KIAA0513: variants seen among roughly 807,000 people sequenced by gnomAD.
KIAA0513 encodes the protein uncharacterized protein KIAA0513.
KIAA0513 carries 39 observed loss-of-function variants against 56.5 expected under a neutral mutation model. The observed-to-expected ratio is 0.69, with a 90% CI of 0.53 to 0.90. The LOEUF is 0.90. KIAA0513 is among the 40% of genes least tolerant of loss of function. The pLI is 0.00. For synonymous variants in KIAA0513, 268 were observed against 215.6 expected (o/e 1.24, Z -2.13); for missense variants, 591 against 535.2 (o/e 1.10, Z -1.03).
At chr16:85,075,947 C>T in intron 5 of KIAA0513, 33 bp downstream of exon 5, 2 of 1,513,926 alleles carry the variant, frequency 1.3e-6, no homozygotes, top group Non-Finnish European at 1.8e-6. Flanking sequence ...TGGGGCTCAC[C>T]TGAGGCTAGT....
intron 7 of KIAA0513, among the ~76,000 whole-genome samples, chr16:85,078,684 A>G (rs1218383647): frequency 3.3e-5 from 5 of 152,348 alleles, no homozygotes; most frequent in Admixed American, 3.3e-4. Flanking sequence ...CAGGAAGGCT[A>G]AGGGTTACTG....
intron 4 of KIAA0513, among the ~76,000 whole-genome samples, chr16:85,073,951 T>TTTTTTGTTTTGTTTTGTTTTTG (rs2073617636): frequency 6.6e-6 from 1 of 151,880 alleles, no homozygotes; most frequent in African/African-American, 2.4e-5. Context: ...TTGTGTCGTT[T>TTTTTTGTTTTGTTTTGTTTTTG]TTTTTGTTTT....
intron 1 of KIAA0513, among the ~76,000 whole-genome samples, chr16:85,042,796 G>A (rs560557495): frequency 1.9e-4 from 29 of 152,352 alleles, no homozygotes; most frequent in African/African-American, 6.7e-4. Flanking sequence ...GCAGGCAGCA[G>A]TCGGCTTGGC....
intron 2 of KIAA0513, among the ~76,000 whole-genome samples, chr16:85,070,889 A>G (rs1016061967): frequency 1.3e-5 from 2 of 152,216 alleles, no homozygotes; most frequent in Non-Finnish European, 2.9e-5. Flanking sequence ...CATCAGCAAT[A>G]CGGAATGTGG....
At chr16:85,036,967 A>T (rs2073044330) in intron 1 of KIAA0513, among the ~76,000 whole-genome samples, 1 of 152,040 alleles carries the variant, frequency 6.6e-6, no homozygotes, top group Admixed American at 6.6e-5. Flanking sequence ...TATTCCAGAA[A>T]CTTTCTCCTG....
At chr16:85,047,326 T>A (rs2073185379) in intron 1 of KIAA0513, among the ~76,000 whole-genome samples, 1 of 152,200 alleles carries the variant, frequency 6.6e-6, no homozygotes, top group Non-Finnish European at 1.5e-5. Context: ...AACAACTTGA[T>A]GGGGTTGTTT....
At chr16:85,065,324 C>T (rs1369501676) in intron 1 of KIAA0513, among the ~76,000 whole-genome samples, 1 of 152,186 alleles carries the variant, frequency 6.6e-6, no homozygotes, top group Non-Finnish European at 1.5e-5. Flanking sequence ...CCCGACCGGC[C>T]ACTCCTTGCT....
intron 1 of KIAA0513, among the ~76,000 whole-genome samples, chr16:85,037,412 G>A (rs1371889840): frequency 6.6e-6 from 1 of 152,174 alleles, no homozygotes; most frequent in East Asian, 1.9e-4. Flanking sequence ...GACCCTGAAA[G>A]GAGGGGTGGA....
Position 85,071,899 on chromosome 16 carries a change from G to A in KIAA0513, c.429+17G>A. 6.7e-7 allele frequency: 1 copy of A among 1,488,960 alleles called. No individual in the cohort carries two copies. Among genetic ancestry groups the A allele is most frequent in the Non-Finnish European group, 9.4e-7 (1 of 1,069,336 alleles). The allele number at this position is 1,488,960 out of a possible 1,614,324, so 92.2% of individuals were successfully genotyped here. On this transcript the variant is annotated intron_variant, in intron 3 of 12. Coordinates refer to ENST00000683363, the MANE Select transcript of KIAA0513 (RefSeq NM_001388359.1). ...AGTGCCCAGGTAAGGGCGAGGTGAT[G>A]GGAAGGATGGGCGTTTACTCTCAAG...
Position 85,087,352 on chromosome 16 carries a change from T to C in KIAA0513, c.1186+186T>C, listed in dbSNP as rs117944129. The stretch of plus-strand genomic sequence containing the variant: ...TGTATAGACAGACGCACAGGACACC[T>C]CTCGTTCCATTTGGAATCCATTTCT... On this transcript the variant is annotated intron_variant, in intron 12 of 12. Coordinates refer to ENST00000683363, the MANE Select transcript of KIAA0513 (RefSeq NM_001388359.1). 1.4e-4 allele frequency among the ~76,000 whole-genome samples: 22 copies of C among 152,202 alleles called. No homozygotes were observed. In the East Asian group the frequency reaches 4.3e-3, roughly 29 times the overall value.
intron 1 of KIAA0513, among the ~76,000 whole-genome samples, chr16:85,055,550 A>T (rs2073316422): frequency 6.6e-6 from 1 of 152,194 alleles, no homozygotes; most frequent in African/African-American, 2.4e-5. Flanking sequence ...TGTAACAAAC[A>T]CACACAAACA....
chr16:85,068,499 G>GT (rs552813555), intron 2 of KIAA0513, among the ~76,000 whole-genome samples: 112 of 151,924 alleles, frequency 7.4e-4, no homozygotes, highest in Middle Eastern at 3.4e-3. Flanking sequence ...CACCCGGCTA[G>GT]TTTTTTGTAT....
chr16:85,067,013 T>TGGGCTCCCCTCTAGGC lies in KIAA0513; in HGVS notation c.-58_-43dup, dbSNP rs2073492007. On this transcript the variant is annotated 5_prime_UTR_variant, in exon 2 of 13. Transcript: ENST00000683363. ...TAACGCACCTGGGACACCAGGCTGCTGGGCTCCCCTCTAGGCAGCCTCCCC... is the reference window on the plus strand; with the variant it reads ...TAACGCACCTGGGACACCAGGCTGCTGGGCTCCCCTCTAGGCGGGCTCCCCTCTAGGCAGCCTCCCC... 2 of 1,445,588 alleles carry TGGGCTCCCCTCTAGGC rather than the reference T, an allele frequency of 1.4e-6. No homozygotes were observed. The highest frequency in any genetic ancestry group is 2.3e-5 in the Admixed American group (1 of 43,464). The allele number at this position is 1,445,588 out of a possible 1,614,324, so 89.5% of individuals were successfully genotyped here.
At chr16:85,071,065 C>T (rs1190852647) in intron 2 of KIAA0513, among the ~76,000 whole-genome samples, 3 of 152,238 alleles carry the variant, frequency 2.0e-5, no homozygotes, top group South Asian at 4.1e-4. Context: ...CAGCCTTCTG[C>T]TCCATTTTTG....
chr16:85,058,185 GC>G (rs2073356016), intron 1 of KIAA0513, among the ~76,000 whole-genome samples: 1 of 152,220 alleles, frequency 6.6e-6, no homozygotes, highest in African/African-American at 2.4e-5. Context: ...CTTGTCAAAA[GC>G]CCTACTGAGG....
chr16:85,081,914 C>T lies in KIAA0513; in HGVS notation c.980+522C>T, dbSNP rs1035512847. 6.6e-6 allele frequency among the ~76,000 whole-genome samples: 1 copy of T among 152,366 alleles called. No homozygotes were observed. The highest frequency in any genetic ancestry group is 2.4e-5 in the African/African-American group (1 of 41,590). On this transcript the variant is annotated intron_variant, in intron 9 of 12. Transcript: ENST00000683363. The surrounding 1 kb of genome is among the most constrained non-coding windows in gnomAD (Gnocchi z 4.4). ...AGAGGGGAGGGGCTGGCACCCACCC[C>T]ACGGGGGCCGATGCCATAGCAAGCA...
In KIAA0513 at chr16:85,092,358, C is replaced by T. The variant is rs1482288533; in HGVS notation, c.*4033C>T. ...CAGCCAGGGAGCCCAGTAGTGTTTC[C>T]AAGAACAGTGTGGAGCTTGAGAAAG... On this transcript the variant is annotated 3_prime_UTR_variant, in exon 13 of 13. Transcript: ENST00000683363. 3 of 152,352 alleles carry T rather than the reference C, an allele frequency of 2.0e-5. No individual in the cohort carries two copies. In the East Asian group the frequency reaches 5.8e-4, roughly 29 times the overall value. The allele number at this position is 152,352 out of a possible 1,614,324, so 9.4% of individuals were successfully genotyped here.
intron 1 of KIAA0513, among the ~76,000 whole-genome samples, chr16:85,045,253 C>CGCTTCG (rs1227451294): frequency 6.6e-6 from 1 of 152,194 alleles, no homozygotes; most frequent in African/African-American, 2.4e-5. Flanking sequence ...CTGGGGCTAC[C>CGCTTCG]ACACATGCCT....
At chr16:85,039,621 C>T (rs1044587941) in intron 1 of KIAA0513, among the ~76,000 whole-genome samples, 14 of 152,098 alleles carry the variant, frequency 9.2e-5, no homozygotes, top group African/African-American at 2.7e-4. Context: ...TACAGACATA[C>T]GTCACCATGC....
Sources: gnomAD v4.1 joint callset for allele counts (sites outside exome capture counted in the v4.1 genomes callset) on GRCh38, gnomAD v4.1.1 for gene constraint, Gnocchi (gnomAD v3.1) non-coding constraint, MANE v1.5 for transcripts, NCBI Gene and HGNC (gene_info 2026-07-23, HGNC 2026-07-21) for gene names.